C1QTNF7: variants seen among roughly 807,000 people sequenced by gnomAD.
The protein encoded by C1QTNF7 is complement C1q tumor necrosis factor-related protein 7.
A neutral mutation model predicts 19.6 loss-of-function variants in C1QTNF7; 15 were observed. The observed-to-expected ratio is 0.76, with a 90% CI of 0.51 to 1.18. The LOEUF is 1.18. Ranked by LOEUF, C1QTNF7 falls within the 50% of genes most tolerant of loss-of-function variation. The pLI, the probability that C1QTNF7 is intolerant of heterozygous loss-of-function variation, is 0.00. For synonymous variants in C1QTNF7, 142 were observed against 137.5 expected (o/e 1.03, Z -0.23); for missense variants, 324 against 359.7 (o/e 0.90, Z 0.80).
intron 1 of C1QTNF7, among the ~76,000 whole-genome samples, chr4:15,395,260 T>C (rs974309304): frequency 6.6e-6 from 1 of 151,708 alleles, no homozygotes; most frequent in Non-Finnish European, 1.5e-5. Flanking sequence ...GGCCCTGGGG[T>C]GATTTAGGGA....
At chr4:15,350,113 GGCAGGCAAGCAGGAAAGA>G in intron 1 of C1QTNF7, among the ~76,000 whole-genome samples, 3 of 122,338 alleles carry the variant, frequency 2.5e-5, no homozygotes, top group African/African-American at 9.4e-5. Context: ...AAGGGAGGCA[GGCAGGCAAGCAGGAAAGA>G]AGGGAGGGAG....
intron 1 of C1QTNF7, among the ~76,000 whole-genome samples, chr4:15,367,010 T>C (rs1717550396): frequency 6.6e-6 from 1 of 152,146 alleles, no homozygotes; most frequent in African/African-American, 2.4e-5. Context: ...ACCATTTACA[T>C]AGGGGGTGCA....
intron 1 of C1QTNF7, among the ~76,000 whole-genome samples, chr4:15,397,260 T>C (rs996245032): frequency 6.6e-6 from 1 of 152,200 alleles, no homozygotes; most frequent in African/African-American, 2.4e-5. Flanking sequence ...AACTTCCCAC[T>C]GCAGCTTCAA....
At chr4:15,352,564 G>A (rs919731261) in intron 1 of C1QTNF7, among the ~76,000 whole-genome samples, 5 of 152,198 alleles carry the variant, frequency 3.3e-5, no homozygotes, top group Non-Finnish European at 5.9e-5. Context: ...ATGTATCAGA[G>A]GGGGCAGCTA....
In C1QTNF7 at chr4:15,348,409, A is replaced by C. The variant is rs192323058; in HGVS notation, c.13+8202A>C. On this transcript the variant is annotated intron_variant, in intron 1 of 2. Coordinates refer to the C1QTNF7 transcript ENST00000295297. ...CGGTTTGGAATGATTTGTACTTGCC[A>C]TTTGCTCACACAATTCTACATTGCT... is the stretch of plus-strand genomic sequence containing the variant. 7.2e-5 allele frequency among the ~76,000 whole-genome samples: 11 copies of C among 152,296 alleles called. No homozygotes were observed. The East Asian group carries it at 1.7e-3, about 24-fold the overall frequency.
At chr4:15,430,731 G>A (rs905997333) in intron 1 of C1QTNF7, among the ~76,000 whole-genome samples, 3 of 152,156 alleles carry the variant, frequency 2.0e-5, no homozygotes, top group Non-Finnish European at 4.4e-5. Context: ...GGCAGTGGGG[G>A]AGTGGGTAAA....
At chr4:15,401,794 A>G (rs183649798) in intron 1 of C1QTNF7, among the ~76,000 whole-genome samples, 26 of 152,334 alleles carry the variant, frequency 1.7e-4, no homozygotes, top group Admixed American at 9.8e-4. Context: ...ATGAAAGTCA[A>G]CTTCAAAGTC....
intron 1 of C1QTNF7, among the ~76,000 whole-genome samples, chr4:15,385,261 G>A (rs1283818937): frequency 6.6e-6 from 1 of 152,178 alleles, no homozygotes; most frequent in African/African-American, 2.4e-5. Flanking sequence ...GAGTCCACTT[G>A]AGGGGTGACA....
intron 2 of C1QTNF7, among the ~76,000 whole-genome samples, chr4:15,441,452 A>G (rs565914795): frequency 1.3e-5 from 2 of 152,348 alleles, no homozygotes; most frequent in African/African-American, 4.8e-5. Context: ...ATTATCACAA[A>G]TAGAAATAGA....
chr4:15,432,412 T>A (rs1055629615), intron 1 of C1QTNF7, among the ~76,000 whole-genome samples: 4 of 152,234 alleles, frequency 2.6e-5, no homozygotes, highest in African/African-American at 9.6e-5. Flanking sequence ...TTTTTGTTTT[T>A]TGAGACAGGG....
intron 1 of C1QTNF7, among the ~76,000 whole-genome samples, chr4:15,431,022 A>G (rs2108934580): frequency 6.6e-6 from 1 of 152,000 alleles, no homozygotes; most frequent in Admixed American, 6.6e-5. Flanking sequence ...TGCTCATGTC[A>G]TAAGCCATTT....
At chr4:15,408,425 T>C (rs1320356426) in intron 1 of C1QTNF7, among the ~76,000 whole-genome samples, 1 of 152,078 alleles carries the variant, frequency 6.6e-6, no homozygotes, top group Non-Finnish European at 1.5e-5. Flanking sequence ...TTTAAGTCTT[T>C]TACAACATTA....
At chr4:15,340,027 T>G in exon 1 of C1QTNF7, 1 of 828,570 alleles carries the variant, frequency 1.2e-6, no homozygotes, top group Non-Finnish European at 2.0e-6. Flanking sequence ...CGCATTCTCA[T>G]GCTCAGACGA....
chr4:15,349,193 T>C lies in C1QTNF7; in HGVS notation c.13+8986T>C, dbSNP rs192552276. Among the ~76,000 whole-genome samples the C allele has an allele frequency of 5.3e-5, 8 of 152,334 alleles. No homozygotes were observed. The East Asian group carries it at 1.5e-3, about 29-fold the overall frequency. On this transcript the variant is annotated intron_variant, in intron 1 of 2. Transcript: ENST00000295297. The stretch of plus-strand genomic sequence containing the variant: ...CACATTTCCCCAGAGTGGGGCAAAC[T>C]GGGGTGACAATGATTCTCCAGGCTC...
rs1712517131 is a variant in C1QTNF7 at position 15,435,901 on chromosome 4, G to A, written c.158G>A (p.Gly53Glu). 1 of 1,613,874 alleles carries A rather than the reference G, an allele frequency of 6.2e-7. No homozygotes were observed. Among genetic ancestry groups the A allele is most frequent in the Admixed American group, 1.7e-5 (1 of 59,988 alleles). The change falls in exon 2 of 3, where the codon GGG becomes GAG. Residue 53 changes from glycine (G) to glutamate (E), a missense_variant. Gly to Glu is a moderately conservative substitution (Grantham distance 98, BLOSUM62 -2). Transcript: ENST00000444304. ...PGPPGANGSP[G>E]PHGRIGLPGR... is the part of the protein sequence containing the mutation. Reference sequence around the variant, plus strand: ...CCCCCTGGAGCAAATGGTTCCCCTGGGCCCCATGGTCGCATCGGCCTTCCA... The same window carrying A: ...CCCCCTGGAGCAAATGGTTCCCCTGAGCCCCATGGTCGCATCGGCCTTCCA...
In C1QTNF7 at chr4:15,445,008, G is replaced by A. The variant is rs968096329; in HGVS notation, c.*2209G>A. 1.3e-5 allele frequency: 2 copies of A among 152,256 alleles called. No homozygotes were observed. Among genetic ancestry groups the A allele is most frequent in the African/African-American group, 2.4e-5 (1 of 41,456 alleles). The allele number at this position is 152,256 out of a possible 1,614,324, so 9.4% of individuals were successfully genotyped here. ...AGTTGCAATGATCTAGCAGTTGTGTGCAAAGGCAAGGCTTGCTTTTCCTGT... is the reference window on the plus strand; with the variant it reads ...AGTTGCAATGATCTAGCAGTTGTGTACAAAGGCAAGGCTTGCTTTTCCTGT... On this transcript the variant is annotated 3_prime_UTR_variant, in exon 3 of 3. Coordinates refer to ENST00000444304, the MANE Select transcript of C1QTNF7 (RefSeq NM_031911.5).
intron 1 of C1QTNF7, among the ~76,000 whole-genome samples, chr4:15,363,081 A>C (rs1193070331): frequency 6.6e-6 from 1 of 152,180 alleles, no homozygotes; most frequent in East Asian, 1.9e-4. Context: ...TGATAACATG[A>C]TAGGATTAAA....
rs960657986 is a variant in C1QTNF7, at chr4:15,445,981, C to T, written c.*3182C>T. The T allele has an allele frequency of 6.6e-6, 1 of 152,066 alleles. No homozygotes were observed. Among genetic ancestry groups the T allele is most frequent in the Non-Finnish European group, 1.5e-5 (1 of 68,012 alleles). 9.4% of individuals were successfully genotyped at this position (152,066 alleles called of 1,614,324 possible). On this transcript the variant is annotated 3_prime_UTR_variant, in exon 3 of 3. Transcript: ENST00000444304. ...TGTGTGTACATGAACATGAATGTGCCTGTGTTACACATTTTCAGGCCACAA... is the reference window on the plus strand; with the variant it reads ...TGTGTGTACATGAACATGAATGTGCTTGTGTTACACATTTTCAGGCCACAA...
At chr4:15,388,957 T>A (rs1051399134) in intron 1 of C1QTNF7, among the ~76,000 whole-genome samples, 21 of 152,132 alleles carry the variant, frequency 1.4e-4, no homozygotes, top group African/African-American at 4.8e-4. Context: ...GTCACCCATA[T>A]CACCTCCAGG....
Sources: allele counts gnomAD v4.1 joint callset (sites outside exome capture counted in the v4.1 genomes callset), GRCh38; gene constraint gnomAD v4.1.1; transcripts MANE v1.5; gene names NCBI Gene and HGNC (gene_info 2026-07-23, HGNC 2026-07-21).